DLG2: variants seen among roughly 807,000 people sequenced by gnomAD.
DLG2 encodes the protein discs large MAGUK scaffold protein 2.
Under a neutral mutation model 132.5 loss-of-function variants are expected in DLG2, and 45 were observed. That is an observed-to-expected ratio of 0.34 (90% confidence interval 0.27 to 0.44). DLG2 has a LOEUF of 0.44. DLG2 is among the 20% of genes least tolerant of loss of function. DLG2 has a pLI of 1.00. For missense variants in DLG2, 1,045 were observed against 1,196.9 expected (o/e 0.87, Z 1.87); for synonymous variants, 424 against 419.6 (o/e 1.01, Z -0.13).
intron 4 of DLG2, among the ~76,000 whole-genome samples, chr11:85,177,820 T>A (rs2079407480): frequency 6.6e-6 from 1 of 152,098 alleles, no homozygotes; most frequent in South Asian, 2.1e-4. Context: ...ATATTTTAAA[T>A]ACCTTCTCAA....
chr11:84,898,683 C>T (rs768796062), intron 6 of DLG2, among the ~76,000 whole-genome samples: 1 of 151,786 alleles, frequency 6.6e-6, no homozygotes, highest in African/African-American at 2.4e-5. Context: ...ATCCTCTCTC[C>T]CCTCCACTGT....
intron 11 of DLG2, among the ~76,000 whole-genome samples, chr11:84,058,736 T>C (rs2096545295): frequency 6.6e-6 from 1 of 151,170 alleles, no homozygotes; most frequent in Non-Finnish European, 1.5e-5. Context: ...ATTAGGGTGG[T>C]AATTCATCTG....
intron 6 of DLG2, among the ~76,000 whole-genome samples, chr11:84,990,384 T>C (rs1024299058): frequency 6.6e-6 from 1 of 152,218 alleles, no homozygotes; most frequent in Non-Finnish European, 1.5e-5. Flanking sequence ...ATGAGATTAG[T>C]GCCCCTATAA....
intron 5 of DLG2, among the ~76,000 whole-genome samples, chr11:85,118,452 C>T (rs1163570513): frequency 1.3e-5 from 2 of 152,070 alleles, no homozygotes; most frequent in Non-Finnish European, 2.9e-5. Flanking sequence ...ATATTCTAAG[C>T]ACCTAGCTAC....
At chr11:85,277,978 C>A (rs1210333665) in intron 4 of DLG2, among the ~76,000 whole-genome samples, 1 of 152,156 alleles carries the variant, frequency 6.6e-6, no homozygotes. Context: ...TTCTGTGGCT[C>A]ACAACGACCT....
chr11:84,095,225 G>A (rs1004047630), intron 10 of DLG2, among the ~76,000 whole-genome samples: 1 of 152,018 alleles, frequency 6.6e-6, no homozygotes, highest in African/African-American at 2.4e-5. Flanking sequence ...AGACAGAGAG[G>A]GAAGGTAAGG....
At chr11:85,412,746 CACACACACACACACATATAT>C (rs1808318550) in intron 3 of DLG2, among the ~76,000 whole-genome samples, 1 of 132,866 alleles carries the variant, frequency 7.5e-6, no homozygotes, top group African/African-American at 2.9e-5. Flanking sequence ...CACACACACA[CACACACACACACACATATAT>C]ATATATATAT....
chr11:84,095,963 A>G (rs1224500804), intron 10 of DLG2, among the ~76,000 whole-genome samples: 1 of 152,182 alleles, frequency 6.6e-6, no homozygotes, highest in Non-Finnish European at 1.5e-5. Context: ...GAGGCCAAAA[A>G]AAGGGAAATT....
At chr11:85,468,662 C>CTGTAG (rs988551833) in intron 3 of DLG2, among the ~76,000 whole-genome samples, 3 of 152,162 alleles carry the variant, frequency 2.0e-5, no homozygotes, top group Admixed American at 2.0e-4. Flanking sequence ...TTTGATTGCA[C>CTGTAG]TGTGGTCTGA....
chr11:83,881,357 C>G (rs1397876477), intron 15 of DLG2, among the ~76,000 whole-genome samples: 1 of 152,088 alleles, frequency 6.6e-6, no homozygotes, highest in Non-Finnish European at 1.5e-5. Context: ...ATATAGTTAC[C>G]ACATGTTAAA....
chr11:84,394,804 T>C (rs2098805563), intron 7 of DLG2, among the ~76,000 whole-genome samples: 1 of 152,080 alleles, frequency 6.6e-6, no homozygotes. Flanking sequence ...GTATTTTCAG[T>C]AGAGATGGGG....
chr11:84,584,838 G>A (rs1424747489), intron 6 of DLG2, among the ~76,000 whole-genome samples: 3 of 151,186 alleles, frequency 2.0e-5, no homozygotes, highest in Non-Finnish European at 4.4e-5. Flanking sequence ...ACAGGCGCCC[G>A]CCACTACACC....
intron 10 of DLG2, among the ~76,000 whole-genome samples, chr11:84,086,191 T>C (rs1408921729): frequency 6.6e-6 from 1 of 152,142 alleles, no homozygotes; most frequent in African/African-American, 2.4e-5. Flanking sequence ...ACTTGGTGAA[T>C]GAATTCAAAA....
intron 16 of DLG2, among the ~76,000 whole-genome samples, chr11:83,843,726 T>C (rs1204259093): frequency 6.6e-6 from 1 of 152,034 alleles, no homozygotes; most frequent in Non-Finnish European, 1.5e-5. Flanking sequence ...GCTTGGGTAA[T>C]GGAGGGAATA....
intron 15 of DLG2, among the ~76,000 whole-genome samples, chr11:83,891,234 A>G (rs896807428): frequency 1.3e-5 from 2 of 151,064 alleles, no homozygotes; most frequent in African/African-American, 4.9e-5. Flanking sequence ...ACATTATAGG[A>G]TGAGTAGCAG....
intron 11 of DLG2, among the ~76,000 whole-genome samples, chr11:84,030,254 A>G (rs1045767804): frequency 6.6e-6 from 1 of 152,176 alleles, no homozygotes; most frequent in Admixed American, 6.5e-5. Context: ...TACATTACTG[A>G]TAATTGAGGA....
chr11:84,687,968 T>G (rs1005104816), intron 6 of DLG2, among the ~76,000 whole-genome samples: 1 of 152,156 alleles, frequency 6.6e-6, no homozygotes, highest in Non-Finnish European at 1.5e-5. Context: ...CTGAACTTCA[T>G]AGAAGTAGCA....
At chr11:84,828,695 T>G in intron 6 of DLG2, among the ~76,000 whole-genome samples, 1 of 151,736 alleles carries the variant, frequency 6.6e-6, no homozygotes. Context: ...TAAGGCACAA[T>G]AGAATCACCT....
intron 18 of DLG2, among the ~76,000 whole-genome samples, chr11:83,750,368 A>C (rs2093222609): frequency 6.6e-6 from 1 of 152,170 alleles, no homozygotes; most frequent in Admixed American, 6.6e-5. Context: ...AATTGCACTG[A>C]AATCCAATAT....
Sources: gnomAD v4.1 joint callset for allele counts (sites outside exome capture counted in the v4.1 genomes callset) on GRCh38, gnomAD v4.1.1 for gene constraint, MANE v1.5 for transcripts, NCBI Gene and HGNC (gene_info 2026-07-23, HGNC 2026-07-21) for gene names.